The following PCIF1 variants were observed in gnomAD, a reference collection of about 807,000 sequenced individuals.
PCIF1 encodes mRNA (2'-O-methyladenosine-N(6)-)-methyltransferase.
PCIF1 carries 12 observed loss-of-function variants against 86.9 expected under a neutral mutation model. That is an observed-to-expected ratio of 0.14 (90% CI 0.09 to 0.22). The LOEUF is 0.22. PCIF1 is among the 10% of genes least tolerant of loss of function. The pLI, the probability that PCIF1 is intolerant of heterozygous loss-of-function variation, is 1.00. For missense variants in PCIF1, 701 were observed against 951.1 expected (o/e 0.74, Z 3.46); for synonymous variants, 397 against 372.0 (o/e 1.07, Z -0.77).
rs1371605295 is a variant in PCIF1 at position 45,937,501 on chromosome 20, C to T, written c.-104C>T. 3 of 399,022 alleles carry T rather than the reference C, an allele frequency of 7.5e-6. No individual in the cohort carries two copies. Among genetic ancestry groups the T allele is most frequent in the Non-Finnish European group, 1.3e-5 (3 of 226,112 alleles). 24.7% of individuals were successfully genotyped at this position (399,022 alleles called of 1,614,324 possible). ...GCCTGTGCTGAGTCTTCCTGCAGGCCTTTCCTTGCCTCTGTGGGACCCTGT... is the reference window on the plus strand; with the variant it reads ...GCCTGTGCTGAGTCTTCCTGCAGGCTTTTCCTTGCCTCTGTGGGACCCTGT... On this transcript the variant is annotated 5_prime_UTR_variant, in exon 2 of 17. Transcript: ENST00000372409.
chr20:45,941,960 CTTTTT>C (rs74176836), intron 7 of PCIF1, among the ~76,000 whole-genome samples: 1 of 136,668 alleles, frequency 7.3e-6, no homozygotes, highest in Non-Finnish European at 1.6e-5. Flanking sequence ...GGCCTTTCAC[CTTTTT>C]TTTTTTTTTT....
chr20:45,938,515 C>CT (rs1249737340), intron 2 of PCIF1, among the ~76,000 whole-genome samples: 3 of 152,188 alleles, frequency 2.0e-5, no homozygotes, highest in Middle Eastern at 3.2e-3. Flanking sequence ...AGTAGTGCTC[C>CT]TGTTGGGTCC....
In PCIF1 at chr20:45,941,181, A is replaced by T; in HGVS notation, c.647A>T (p.Tyr216Phe). 1 of 1,611,122 alleles carries T rather than the reference A, an allele frequency of 6.2e-7. No homozygotes were observed. Among genetic ancestry groups the T allele is most frequent in the Non-Finnish European group, 8.5e-7 (1 of 1,177,956 alleles). ...CTCATCCTGAAGCTTCGGCAGCACT[A>T]TCGGGAGCTGTGCCAGCAGCGAGAG... ...SQLILKLRQH[Y>F]RELCQQREGI... Residue 216 changes from tyrosine to phenylalanine, a missense_variant, in exon 7 of 17, where the codon TAT becomes TTT. By Grantham distance (22) the Tyr-to-Phe change is conservative (BLOSUM62 3). This residue lies in a region of PCIF1 where 129 missense variants were observed against 245.9 expected (regional missense o/e 0.52). Coordinates refer to ENST00000372409, the MANE Select transcript of PCIF1 (RefSeq NM_022104.4).
chr20:45,937,755 G>T, intron 2 of PCIF1, 170 bp downstream of exon 2: 3 of 395,456 alleles, frequency 7.6e-6, no homozygotes, highest in Non-Finnish European at 1.3e-5. Flanking sequence ...CATATGTCCT[G>T]TTGCCCCCTG....
Position 45,940,519 on chromosome 20 carries a change from A to G in PCIF1, c.294A>G (p.Ser98=), listed in dbSNP as rs755211690. 6.2e-6 allele frequency: 10 copies of G among 1,608,364 alleles called. No individual in the cohort carries two copies. Among genetic ancestry groups the G allele is most frequent in the Non-Finnish European group, 8.5e-6 (10 of 1,177,256 alleles). Residue 98 remains serine, a synonymous_variant, in exon 5 of 17, where the codon TCA becomes TCG. Coordinates refer to ENST00000372409, the MANE Select transcript of PCIF1 (RefSeq NM_022104.4). ...GLNATPLPQD[S]SLVETPPAEN... ...ATGCGACCCCACTGCCCCAAGACTC[A>G]AGCTTGGTGGAAACTCCCCCGGCTG...
chr20:45,935,050 C>A (rs1042795260), intron 1 of PCIF1, among the ~76,000 whole-genome samples: 1 of 151,862 alleles, frequency 6.6e-6, no homozygotes, highest in Non-Finnish European at 1.5e-5. Context: ...CCGCCACCGC[C>A]TTTGTGTCGG....
chr20:45,935,019 AG>A (rs2083405728), intron 1 of PCIF1, among the ~76,000 whole-genome samples: 1 of 151,778 alleles, frequency 6.6e-6, no homozygotes, highest in African/African-American at 2.4e-5. Context: ...AGCGGGCTCT[AG>A]GGCCCCTCCG....
At chr20:45,937,683 T>A (rs985718525) in intron 2 of PCIF1, 98 bp downstream of exon 2, 1 of 397,976 alleles carries the variant, frequency 2.5e-6, no homozygotes, top group African/African-American at 2.1e-5. Flanking sequence ...GGCAGCTTCA[T>A]TTTTTTCGTA....
rs2083542393 is a variant in PCIF1 at position 45,947,489 on chromosome 20, C to G, written c.1884-35C>G. ...GGAGGCTGGGCTGGCCAGGCCAGGC[C>G]CAGCCCCACCCTGAGCCATTGCCTT... On this transcript the variant is annotated intron_variant, in intron 16 of 16. Transcript: ENST00000372409. The surrounding 1 kb of genome is among the most constrained non-coding windows in gnomAD (Gnocchi z 5.4). 1 of 1,613,246 alleles carries G rather than the reference C, an allele frequency of 6.2e-7. No individual in the cohort carries two copies. Among genetic ancestry groups the G allele is most frequent in the East Asian group, 2.2e-5 (1 of 44,854 alleles).
At position 45,940,379 on chromosome 20, in the gene PCIF1, G is replaced by T. The variant is rs2083458969; in HGVS notation, c.250-96G>T. ...CCCAGCTCCTCTGCTCTTCCCTAAGGAGTAGGAGCAGGGGTGGGAGGGCGT... is the reference window on the plus strand; with the variant it reads ...CCCAGCTCCTCTGCTCTTCCCTAAGTAGTAGGAGCAGGGGTGGGAGGGCGT... On this transcript the variant is annotated intron_variant, in intron 4 of 16. Transcript: ENST00000372409. The T allele has an allele frequency of 4.3e-6, 6 of 1,404,518 alleles. No homozygotes were observed. The South Asian group carries it at 4.6e-5, about 11-fold the overall frequency. 87.0% of individuals were successfully genotyped at this position (1,404,518 alleles called of 1,614,324 possible). A position where few individuals can be genotyped will look rare whatever the true frequency, so the allele number is the denominator to read the frequency against.
At chr20:45,944,760 G>A in intron 10 of PCIF1, 108 bp from the exon 11 acceptor site, 3 of 1,214,562 alleles carry the variant, frequency 2.5e-6, no homozygotes. Flanking sequence ...CAGCAGAGCT[G>A]GTTTCAAAAC....
rs112558420 is a variant in PCIF1, at chr20:45,947,961, G to A, written c.*206G>A. ...TAGGTCCTGATGCCTTCCCAACCCC[G>A]CCCCTCACCCTGTTGCCACCTTGTT... On this transcript the variant is annotated 3_prime_UTR_variant, in exon 17 of 17. Transcript: ENST00000372409. The surrounding 1 kb of genome is among the most constrained non-coding windows in gnomAD (Gnocchi z 5.4). 2.2e-3 allele frequency: 3,309 copies of A among 1,530,550 alleles called. 53 individuals carry two copies. The African/African-American group carries it at 0.039, about 18-fold the overall frequency. The allele number at this position is 1,530,550 out of a possible 1,614,324, so 94.8% of individuals were successfully genotyped here. A position where few individuals can be genotyped will look rare whatever the true frequency, so the allele number is the denominator to read the frequency against.
rs2083450754 is a variant in PCIF1 at position 45,939,338 on chromosome 20, T to C, written c.248T>C (p.Ile83Thr). The C allele has an allele frequency of 1.9e-6, 3 of 1,613,116 alleles. No homozygotes were observed. Among genetic ancestry groups the C allele is most frequent in the Admixed American group, 1.7e-5 (1 of 60,006 alleles). ...CCCGTGCTGGGGCAGCACGATGTGATTGTGAGTGCCAGCCTAGGGTGGGGG... is the reference window on the plus strand; with the variant it reads ...CCCGTGCTGGGGCAGCACGATGTGACTGTGAGTGCCAGCCTAGGGTGGGGG... Reference protein sequence around the residue: ...EMPVLGQHDVISDPLGLNATP... With the variant: ...EMPVLGQHDVTSDPLGLNATP... Residue 83 changes from isoleucine to threonine, a missense_variant and splice_region_variant, in exon 4 of 17, where the codon ATT becomes ACT. Ile to Thr is a moderately conservative substitution (Grantham distance 89). This residue lies in a region of PCIF1 where 31 missense variants were observed against 62.8 expected (regional missense o/e 0.49). Transcript: ENST00000372409.
intron 4 of PCIF1, 95 bp downstream of exon 4, chr20:45,939,434 C>G: frequency 6.5e-7 from 1 of 1,543,294 alleles, no homozygotes; most frequent in African/African-American, 1.4e-5. Context: ...GTGCCCAGCC[C>G]TGTGCTGGCA....
intron 10 of PCIF1, among the ~76,000 whole-genome samples, chr20:45,944,104 T>A (rs2083500268): frequency 6.6e-6 from 1 of 152,128 alleles, no homozygotes; most frequent in African/African-American, 2.4e-5. Flanking sequence ...TTTTTGGGTG[T>A]GTGTGTTCAT....
intron 1 of PCIF1, among the ~76,000 whole-genome samples, chr20:45,936,034 C>T (rs2083422640): frequency 6.6e-6 from 1 of 152,110 alleles, no homozygotes; most frequent in Non-Finnish European, 1.5e-5. Flanking sequence ...AATGTGTTTG[C>T]ATGTTTTTGT....
In PCIF1 at chr20:45,943,381, T is replaced by A. The variant is rs2083493090; in HGVS notation, c.863T>A (p.Leu288His). 6.2e-7 allele frequency: 1 copy of A among 1,613,960 alleles called. No individual in the cohort carries two copies. Among genetic ancestry groups the A allele is most frequent in the Non-Finnish European group, 8.5e-7 (1 of 1,180,016 alleles). The change falls in exon 9 of 17, where the codon CTC becomes CAC. Residue 288 changes from leucine (L) to histidine (H), a missense_variant. This residue lies in a region of PCIF1 where 129 missense variants were observed against 245.9 expected (regional missense o/e 0.52). Transcript: ENST00000372409. This position sits in a 1 kb window ranked among gnomAD's most constrained non-coding sequence, Gnocchi z 5.5. Reference sequence around the variant, plus strand: ...TTCCGGGAGGAAGCCAAGCGCCTGCTCTTTAAATATGCGGAGGCCGCCAGG... The same window carrying A: ...TTCCGGGAGGAAGCCAAGCGCCTGCACTTTAAATATGCGGAGGCCGCCAGG... ...IKFREEAKRL[L>H]FKYAEAARRL...
chr20:45,935,190 A>C (rs2083410531), intron 1 of PCIF1, among the ~76,000 whole-genome samples: 1 of 146,658 alleles, frequency 6.8e-6, no homozygotes, highest in South Asian at 2.4e-4. Context: ...GGGGAGGGGA[A>C]GGTGCGCGCG....
intron 12 of PCIF1, 37 bp from the exon 13 acceptor site, chr20:45,945,992 A>G (rs750798760): frequency 6.2e-7 from 1 of 1,613,026 alleles, no homozygotes; most frequent in Non-Finnish European, 8.5e-7. Context: ...ATGAGGGAGC[A>G]CTGCTGAAGG....
Sources: gnomAD v4.1 joint callset for allele counts (sites outside exome capture counted in the v4.1 genomes callset) on GRCh38, gnomAD v4.1.1 for gene constraint, gnomAD v4.1.1 regional missense constraint, Gnocchi (gnomAD v3.1) non-coding constraint, MANE v1.5 for transcripts, NCBI Gene and HGNC (gene_info 2026-07-23, HGNC 2026-07-21) for gene names.